Variants in CA8 observed in about 807,000 individuals in gnomAD.
CA8 encodes the protein carbonic anhydrase-related protein.
A neutral mutation model predicts 41.4 loss-of-function variants in CA8; 22 were observed. The observed-to-expected ratio is 0.53, with a 90% CI of 0.38 to 0.76. CA8 has a LOEUF of 0.76. Ranked by LOEUF, CA8 falls within the 30% of genes least tolerant of loss-of-function variation. CA8 has a pLI of 0.00. For missense variants in CA8, 270 were observed against 352.8 expected, an observed-to-expected ratio of 0.77 and a Z score of 1.88; for synonymous variants, 121 against 130.6, an observed-to-expected ratio of 0.93 and a Z score of 0.50.
intron 2 of CA8, among the ~76,000 whole-genome samples, chr8:60,277,241 G>A (rs1804269180): frequency 6.6e-6 from 1 of 151,988 alleles, no homozygotes; most frequent in African/African-American, 2.4e-5. Context: ...GGTAACCACA[G>A]GAGAAACAGC....
chr8:60,214,982 G>T (rs940279444), intron 7 of CA8, among the ~76,000 whole-genome samples: 3 of 152,092 alleles, frequency 2.0e-5, no homozygotes, highest in Non-Finnish European at 2.9e-5. Context: ...TAAGTAGGGA[G>T]GGAATGCAGA....
intron 3 of CA8, among the ~76,000 whole-genome samples, chr8:60,243,683 C>T (rs1449584665): frequency 6.6e-6 from 1 of 152,136 alleles, no homozygotes; most frequent in Non-Finnish European, 1.5e-5. Context: ...ACGTTTTCGC[C>T]TGGGAGACCA....
At chr8:60,272,178 A>G (rs1804094096) in intron 2 of CA8, among the ~76,000 whole-genome samples, 1 of 152,194 alleles carries the variant, frequency 6.6e-6, no homozygotes, top group Non-Finnish European at 1.5e-5. Context: ...CCTGCTCCAC[A>G]TAACTGACCC....
At chr8:60,213,802 A>G (rs78552885) in intron 7 of CA8, among the ~76,000 whole-genome samples, 3,845 of 151,740 alleles carry the variant, frequency 0.025, 158 homozygotes, top group East Asian at 0.18. Flanking sequence ...TAGAAAGTTT[A>G]ATATGTGGAT....
chr8:60,214,417 A>C (rs969015584), intron 7 of CA8, among the ~76,000 whole-genome samples: 1 of 152,188 alleles, frequency 6.6e-6, no homozygotes, highest in Non-Finnish European at 1.5e-5. Flanking sequence ...GTCAGAGGGG[A>C]CCCATTCAGG....
rs78954413 is a variant in CA8 at position 60,234,347 on chromosome 8, T to G, written c.418-1968A>C. Among the ~76,000 whole-genome samples, 454 of 152,166 alleles carry G rather than the reference T, an allele frequency of 3.0e-3. 1 individual carries two copies. The highest frequency in any genetic ancestry group is 0.01 in the African/African-American group (421 of 41,488). On this transcript the variant is annotated intron_variant, in intron 3 of 8. Transcript: ENST00000317995. ...ATGGTGTATGGTGCCATAGGTGAGATCCCAGAACAGAAGAAGGACATTAGG... is the reference window on the plus strand; with the variant it reads ...ATGGTGTATGGTGCCATAGGTGAGAGCCCAGAACAGAAGAAGGACATTAGG...
At chr8:60,275,993 A>T (rs1191801444) in intron 2 of CA8, among the ~76,000 whole-genome samples, 4 of 152,204 alleles carry the variant, frequency 2.6e-5, no homozygotes, top group African/African-American at 9.7e-5. Flanking sequence ...CTCCAGGCTA[A>T]CTCCAATCAA....
chr8:60,189,575 T>C lies in CA8; in HGVS notation c.*446A>G, dbSNP rs1349088360. On this transcript the variant is annotated 3_prime_UTR_variant, in exon 9 of 9. Coordinates refer to ENST00000317995, the MANE Select transcript of CA8 (RefSeq NM_004056.6). ...CTTAATCAAAACTCTTATTTTATTA[T>C]CAAGAATTACACTAGTTCTAAAATG... 1 of 152,208 alleles carries C rather than the reference T, an allele frequency of 6.6e-6. No homozygotes were observed. The highest frequency in any genetic ancestry group is 1.5e-5 in the Non-Finnish European group (1 of 68,008). The allele number at this position is 152,208 out of a possible 1,614,324, so 9.4% of individuals were successfully genotyped here. A position where few individuals can be genotyped will look rare whatever the true frequency, so the allele number is the denominator to read the frequency against.
intron 5 of CA8, among the ~76,000 whole-genome samples, chr8:60,225,284 T>C (rs1807391973): frequency 6.6e-6 from 1 of 152,152 alleles, no homozygotes; most frequent in African/African-American, 2.4e-5. Flanking sequence ...AGATGTTTCT[T>C]AAAAGATTTT....
At chr8:60,226,826 G>A in intron 5 of CA8, 47 bp downstream of exon 5, 2 of 1,104,928 alleles carry the variant, frequency 1.8e-6, no homozygotes, top group Non-Finnish European at 2.8e-6. Flanking sequence ...GTCACAGGGA[G>A]CTCCTACACA....
At chr8:60,251,960 C>T (rs1360902073) in intron 3 of CA8, among the ~76,000 whole-genome samples, 2 of 152,142 alleles carry the variant, frequency 1.3e-5, no homozygotes, top group African/African-American at 4.8e-5. Context: ...TTATGTAGTG[C>T]TTACACAATA....
chr8:60,275,492 C>T (rs1804203448), intron 2 of CA8, among the ~76,000 whole-genome samples: 2 of 150,258 alleles, frequency 1.3e-5, no homozygotes, highest in South Asian at 2.1e-4. Flanking sequence ...TTAATTGCAG[C>T]GTAAGTTCAA....
intron 3 of CA8, among the ~76,000 whole-genome samples, chr8:60,249,423 G>A (rs1031096139): frequency 6.6e-6 from 1 of 152,092 alleles, no homozygotes; most frequent in African/African-American, 2.4e-5. Flanking sequence ...TCATACGATG[G>A]AGAAATACGA....
intron 3 of CA8, among the ~76,000 whole-genome samples, chr8:60,242,192 G>T (rs1808052375): frequency 6.6e-6 from 1 of 152,198 alleles, no homozygotes; most frequent in South Asian, 2.1e-4. Flanking sequence ...AAATGTTAAA[G>T]GATGCTGTGG....
intron 7 of CA8, among the ~76,000 whole-genome samples, chr8:60,210,197 C>A (rs961995078): frequency 1.3e-5 from 2 of 152,162 alleles, no homozygotes; most frequent in East Asian, 3.8e-4. Context: ...GAATTCTAGT[C>A]AATTCAATAT....
chr8:60,228,813 T>C (rs952612993), intron 4 of CA8, among the ~76,000 whole-genome samples: 9 of 152,230 alleles, frequency 5.9e-5, no homozygotes, highest in African/African-American at 2.2e-4. Flanking sequence ...CGACTATTAC[T>C]AGCTCCTTCT....
At chr8:60,251,052 T>C (rs1808425889) in intron 3 of CA8, among the ~76,000 whole-genome samples, 1 of 152,186 alleles carries the variant, frequency 6.6e-6, no homozygotes, top group Non-Finnish European at 1.5e-5. Context: ...CAAAATGCTA[T>C]GGAGAAAAAC....
intron 8 of CA8, among the ~76,000 whole-genome samples, chr8:60,192,230 G>A (rs1305841158): frequency 6.6e-6 from 1 of 152,008 alleles, no homozygotes; most frequent in Non-Finnish European, 1.5e-5. Context: ...TCACAATCTG[G>A]GGTATGGATT....
intron 1 of CA8, among the ~76,000 whole-genome samples, chr8:60,280,573 T>C (rs2130642281): frequency 6.6e-6 from 1 of 152,294 alleles, no homozygotes; most frequent in Non-Finnish European, 1.5e-5. Context: ...TTAGGACATG[T>C]TTTAGAAAGA....
Sources: gnomAD v4.1 joint callset for allele counts (sites outside exome capture counted in the v4.1 genomes callset) on GRCh38, gnomAD v4.1.1 for gene constraint, MANE v1.5 for transcripts, NCBI Gene and HGNC (gene_info 2026-07-23, HGNC 2026-07-21) for gene names.